CENPK: variants seen among roughly 807,000 people sequenced by gnomAD.
CENPK encodes the protein SoxLZ/Sox6-binding protein Solt.
Under a neutral mutation model 40.9 loss-of-function variants are expected in CENPK, and 46 were observed. That is an observed-to-expected ratio of 1.13 (90% confidence interval 0.89 to 1.44). CENPK has a LOEUF of 1.44. Ranked by LOEUF, CENPK falls within the 40% of genes most tolerant of loss-of-function variation. The pLI, the probability that CENPK is intolerant of heterozygous loss-of-function variation, is 0.00. For missense variants in CENPK, 288 were observed against 303.5 expected (o/e 0.95, Z 0.38); for synonymous variants, 107 against 104.4 (o/e 1.02, Z -0.15).
At chr5:65,522,497 T>C (rs1561618366) in intron 9 of CENPK, among the ~76,000 whole-genome samples, 2 of 152,144 alleles carry the variant, frequency 1.3e-5, no homozygotes, top group South Asian at 2.1e-4. Flanking sequence ...GGTGCCATCA[T>C]AGCCCACTGC....
chr5:65,537,667 C>T (rs1322783485), intron 6 of CENPK, among the ~76,000 whole-genome samples: 1 of 152,332 alleles, frequency 6.6e-6, no homozygotes, highest in East Asian at 1.9e-4. Context: ...AGAAAACAGA[C>T]TAAGACAGCA....
the CENPK span, among the ~76,000 whole-genome samples, chr5:65,512,096 G>A: frequency 6.6e-6 from 1 of 152,140 alleles, no homozygotes; most frequent in Non-Finnish European, 1.5e-5. Context: ...GAGAACTAGA[G>A]GTGGACCCTG....
intron 5 of CENPK, 61 bp from the exon 6 acceptor site, chr5:65,542,909 A>C: frequency 6.8e-7 from 1 of 1,468,554 alleles, no homozygotes; most frequent in Non-Finnish European, 9.3e-7. Flanking sequence ...AAAATCAAGA[A>C]TTTAATTTTG....
chr5:65,496,070 A>T, the CENPK span, among the ~76,000 whole-genome samples: 1 of 152,232 alleles, frequency 6.6e-6, no homozygotes, highest in African/African-American at 2.4e-5. Context: ...CAGTCTGGGC[A>T]ACATGGCAAA....
downstream of CENPK, among the ~76,000 whole-genome samples, chr5:65,514,442 T>A (rs995764212): frequency 2.0e-5 from 3 of 151,822 alleles, no homozygotes; most frequent in Non-Finnish European, 2.9e-5. Flanking sequence ...TTTTTTAGTA[T>A]TTTTAGTAGA....
chr5:65,561,439 A>T, intron 2 of CENPK, 24 bp downstream of exon 2: 1 of 436,702 alleles, frequency 2.3e-6, no homozygotes, highest in East Asian at 7.0e-5. Context: ...AACATATAGA[A>T]ACATTTAAGA....
At chr5:65,561,971 T>C (rs1752048403) in intron 1 of CENPK, among the ~76,000 whole-genome samples, 1 of 152,090 alleles carries the variant, frequency 6.6e-6, no homozygotes, top group Admixed American at 6.5e-5. Context: ...ATGCAGACAA[T>C]ATAAATGAAT....
chr5:65,512,759 T>C, the CENPK span, among the ~76,000 whole-genome samples: 1 of 152,194 alleles, frequency 6.6e-6, no homozygotes, highest in South Asian at 2.1e-4. Flanking sequence ...GGTATGCCTG[T>C]ATTAGGGCTA....
chr5:65,556,214 T>C (rs935548922), intron 2 of CENPK, among the ~76,000 whole-genome samples: 3 of 152,252 alleles, frequency 2.0e-5, no homozygotes, highest in Non-Finnish European at 4.4e-5. Flanking sequence ...GACTCACACC[T>C]GTAATCACAA....
Position 65,561,488 on chromosome 5 carries a change from G to T in CENPK, c.-65C>A. On this transcript the variant is annotated 5_prime_UTR_variant, in exon 2 of 11. The change creates a premature stop within an existing upstream ORF in the 5' untranslated region. Coordinates refer to ENST00000396679, the MANE Select transcript of CENPK (RefSeq NM_022145.5). ...CGCTTGAGGATGCAAGATGTAAGCT[G>T]TATGTAACCTGGAAGAGGGTCATCA... The T allele has an allele frequency of 2.2e-6, 1 of 456,076 alleles. No individual in the cohort carries two copies. Among genetic ancestry groups the T allele is most frequent in the Non-Finnish European group, 4.4e-6 (1 of 226,844 alleles). 28.3% of individuals were successfully genotyped at this position (456,076 alleles called of 1,614,324 possible).
chr5:65,504,998 T>C, the CENPK span, among the ~76,000 whole-genome samples: 86 of 152,316 alleles, frequency 5.6e-4, no homozygotes, highest in African/African-American at 1.9e-3. Context: ...ATATAGTGAA[T>C]AGTTAGCTGC....
At chr5:65,559,967 T>C (rs2150563963) in intron 2 of CENPK, among the ~76,000 whole-genome samples, 1 of 152,106 alleles carries the variant, frequency 6.6e-6, no homozygotes, top group Non-Finnish European at 1.5e-5. Context: ...ACATTTATAG[T>C]ATTTGCGGAG....
chr5:65,518,372 T>C lies in CENPK; in HGVS notation c.*103A>G. On this transcript the variant is annotated 3_prime_UTR_variant, in exon 11 of 11. Coordinates refer to ENST00000396679, the MANE Select transcript of CENPK (RefSeq NM_022145.5). ...TTTGCAATAAAAGTAAGATGGCCTATGCGCATTAATTTGCAAATAATGTTT... is the reference window on the plus strand; with the variant it reads ...TTTGCAATAAAAGTAAGATGGCCTACGCGCATTAATTTGCAAATAATGTTT... 6.2e-6 allele frequency: 7 copies of C among 1,128,534 alleles called. No individual in the cohort carries two copies. Among genetic ancestry groups the C allele is most frequent in the South Asian group, 1.4e-5 (1 of 71,132 alleles). The allele number at this position is 1,128,534 out of a possible 1,614,324, so 69.9% of individuals were successfully genotyped here.
At chr5:65,514,127 A>C (rs533144031), downstream of CENPK, among the ~76,000 whole-genome samples, 5 of 150,310 alleles carry the variant, frequency 3.3e-5, no homozygotes, top group South Asian at 1.0e-3. Flanking sequence ...TTCTGTTGAG[A>C]ATTTTTACAG....
chr5:65,516,793 C>A (rs1013247487), downstream of CENPK, among the ~76,000 whole-genome samples: 1 of 151,908 alleles, frequency 6.6e-6, no homozygotes, highest in Non-Finnish European at 1.5e-5. Context: ...CTATTAGCAA[C>A]TTTTCACTTA....
chr5:65,521,589 T>C (rs372295130), intron 9 of CENPK, 61 bp from the exon 10 acceptor site: 3 of 1,124,474 alleles, frequency 2.7e-6, no homozygotes, highest in Non-Finnish European at 4.0e-6. Context: ...GGTGAAATAT[T>C]GGACTGTTTT....
the CENPK span, among the ~76,000 whole-genome samples, chr5:65,497,626 T>A: frequency 1.3e-5 from 2 of 152,290 alleles, no homozygotes; most frequent in South Asian, 4.1e-4. Context: ...GGGAAGGGGA[T>A]AACACAAAGC....
chr5:65,531,667 C>T (rs1190287840), intron 6 of CENPK, among the ~76,000 whole-genome samples: 1 of 151,984 alleles, frequency 6.6e-6, no homozygotes, highest in Non-Finnish European at 1.5e-5. Context: ...CCATACCCAA[C>T]TAATTTTTGT....
chr5:65,499,296 T>C, the CENPK span, among the ~76,000 whole-genome samples: 1 of 150,224 alleles, frequency 6.7e-6, no homozygotes, highest in East Asian at 1.9e-4. Context: ...ACCAGATATA[T>C]GATATCTGAC....
Sources: gnomAD v4.1 joint callset for allele counts (sites outside exome capture counted in the v4.1 genomes callset) on GRCh38, gnomAD v4.1.1 for gene constraint, MANE v1.5 for transcripts, NCBI Gene and HGNC (gene_info 2026-07-23, HGNC 2026-07-21) for gene names.